ABCC4: variants seen among roughly 807,000 people sequenced by gnomAD.
ABCC4 encodes ATP-binding cassette sub-family C member 4.
A neutral mutation model predicts 168.5 loss-of-function variants in ABCC4; 102 were observed. That is an observed-to-expected ratio of 0.61 (90% CI 0.52 to 0.71). ABCC4 has a LOEUF of 0.71. ABCC4 is among the 30% of genes least tolerant of loss of function. The pLI, the probability that ABCC4 is intolerant of heterozygous loss-of-function variation, is 0.00. For missense variants in ABCC4, 1,402 were observed against 1,605.8 expected, an observed-to-expected ratio of 0.87 and a Z score of 2.17; for synonymous variants, 617 against 590.7, an observed-to-expected ratio of 1.04 and a Z score of -0.65.
chr13:95,045,131 G>T (rs375426347), intron 27 of ABCC4, among the ~76,000 whole-genome samples: 1 of 152,140 alleles, frequency 6.6e-6, no homozygotes, highest in African/African-American at 2.4e-5. Flanking sequence ...TTCCAGGTAG[G>T]GAAGGAAGTT....
intron 1 of ABCC4, among the ~76,000 whole-genome samples, chr13:95,268,516 T>C (rs995729162): frequency 1.6e-5 from 2 of 125,676 alleles, no homozygotes; most frequent in Non-Finnish European, 3.2e-5. Context: ...ATCTGTCTCC[T>C]GCTCGTCCCT....
At chr13:95,300,316 C>T (rs1460765508) in intron 1 of ABCC4, among the ~76,000 whole-genome samples, 1 of 152,052 alleles carries the variant, frequency 6.6e-6, no homozygotes, top group Non-Finnish European at 1.5e-5. Flanking sequence ...TGAAGGTTAG[C>T]GATTCCAGGG....
chr13:95,152,136 T>C (rs1180376397), intron 19 of ABCC4, among the ~76,000 whole-genome samples: 4 of 152,206 alleles, frequency 2.6e-5, no homozygotes, highest in Non-Finnish European at 4.4e-5. Context: ...TCTAGTTCCA[T>C]GAATCACAGC....
At chr13:95,267,979 T>C (rs2040729566) in intron 1 of ABCC4, among the ~76,000 whole-genome samples, 1 of 152,124 alleles carries the variant, frequency 6.6e-6, no homozygotes, top group Non-Finnish European at 1.5e-5. Context: ...CTGGATGAGA[T>C]TTCCTGGCTG....
intron 19 of ABCC4, among the ~76,000 whole-genome samples, chr13:95,133,183 G>A (rs559782833): frequency 9.4e-5 from 13 of 138,696 alleles, no homozygotes; most frequent in Admixed American, 1.6e-4. Context: ...GCACAGTCTC[G>A]GCTCACTGCA....
intron 3 of ABCC4, among the ~76,000 whole-genome samples, chr13:95,246,463 G>A (rs780083690): frequency 6.6e-6 from 1 of 152,236 alleles, no homozygotes; most frequent in African/African-American, 2.4e-5. Flanking sequence ...CCCGAGAGGG[G>A]AGAGGTGACA....
At chr13:95,049,488 A>G (rs920948569) in intron 27 of ABCC4, among the ~76,000 whole-genome samples, 3 of 151,856 alleles carry the variant, frequency 2.0e-5, no homozygotes, top group African/African-American at 7.3e-5. Flanking sequence ...AAAAATACAA[A>G]AAGAGTAGCC....
At chr13:95,052,446 T>C (rs959795202) in intron 27 of ABCC4, among the ~76,000 whole-genome samples, 2 of 152,080 alleles carry the variant, frequency 1.3e-5, no homozygotes, top group African/African-American at 4.8e-5. Flanking sequence ...ACCTTAATAG[T>C]CAAAGTCCTT....
At chr13:95,153,471 CAG>C (rs1372071673) in intron 19 of ABCC4, among the ~76,000 whole-genome samples, 5 of 151,792 alleles carry the variant, frequency 3.3e-5, no homozygotes, top group Admixed American at 2.0e-4. Context: ...TCGAGAGAGA[CAG>C]AGAGAGAGAG....
intron 19 of ABCC4, among the ~76,000 whole-genome samples, chr13:95,126,610 C>T (rs1027918832): frequency 6.6e-5 from 10 of 150,868 alleles, no homozygotes; most frequent in African/African-American, 9.8e-5. Context: ...CAAATGTGAT[C>T]GTCAGTTCCA....
In ABCC4 at chr13:95,029,172, A is replaced by ATCTATATATATC. The variant is rs778904308; in HGVS notation, c.3870+5432_3870+5433insGATATATATAGA. ...AAACTGCTTTAAAAAAAATACATATATATATATATATATATATATATATAT... is the reference window on the plus strand; with the variant it reads ...AAACTGCTTTAAAAAAAATACATATATCTATATATATCTATATATATATATATATATATATAT... On this transcript the variant is annotated intron_variant, in intron 30 of 30. Coordinates refer to ENST00000645237, the MANE Select transcript of ABCC4 (RefSeq NM_005845.5). 1.5e-3 allele frequency among the ~76,000 whole-genome samples: 90 copies of ATCTATATATATC among 60,736 alleles called. 13 individuals are homozygous for ATCTATATATATC. The highest frequency in any genetic ancestry group is 5.5e-3 in the African/African-American group (81 of 14,774). 39.8% of individuals were successfully genotyped at this position (60,736 alleles called of 152,430 possible). A position where few individuals can be genotyped will look rare whatever the true frequency, so the allele number is the denominator to read the frequency against.
chr13:95,166,043 C>T (rs2037259424), intron 15 of ABCC4, 115 bp downstream of exon 15: 1 of 1,019,688 alleles, frequency 9.8e-7, no homozygotes, highest in African/African-American at 1.6e-5. Flanking sequence ...AGCCCTGAAA[C>T]CACAGAATCC....
chr13:95,197,218 A>T (rs1010854270), intron 8 of ABCC4, among the ~76,000 whole-genome samples: 5 of 152,242 alleles, frequency 3.3e-5, no homozygotes, highest in African/African-American at 1.2e-4. Flanking sequence ...AACAGACTGT[A>T]TGATCGGCTT....
chr13:95,223,582 A>G (rs1356632885), intron 4 of ABCC4, among the ~76,000 whole-genome samples: 2 of 152,102 alleles, frequency 1.3e-5, no homozygotes, highest in African/African-American at 4.8e-5. Context: ...GCTCACTGCA[A>G]CCTCTGCCTC....
intron 19 of ABCC4, among the ~76,000 whole-genome samples, chr13:95,152,637 T>C (rs570914312): frequency 1.3e-5 from 2 of 152,328 alleles, no homozygotes; most frequent in East Asian, 3.9e-4. Flanking sequence ...GTTTTAAACT[T>C]CATGGAAAAC....
chr13:95,272,601 T>C (rs2040872690), intron 1 of ABCC4, among the ~76,000 whole-genome samples: 1 of 152,014 alleles, frequency 6.6e-6, no homozygotes, highest in African/African-American at 2.4e-5. Context: ...GTACTAAACA[T>C]GTGGGGCCGG....
At position 95,161,306 on chromosome 13, in the gene ABCC4, T is replaced by G. The variant is rs201512856; in HGVS notation, c.2338A>C (p.Ile780Leu). The change falls in exon 19 of 31, where the codon ATA becomes CTA. Residue 780 changes from isoleucine (I) to leucine (L), a missense_variant. By Grantham distance (5) the Ile-to-Leu change is conservative. Around this residue, in one of 3 missense-constraint regions of ABCC4, gnomAD observed 1,007 missense variants for 1,127.3 expected, o/e 0.89. Transcript: ENST00000645237. ...TAGAATACCAATAGAGATCTTGCTA[T>G]GCCAAAAAGAACGGTAGCTACAGTT... The part of the protein sequence containing the change: ...GLTVATVLFG[I>L]ARSLLVFYVL... 89 of 1,595,858 alleles carry G rather than the reference T, an allele frequency of 5.6e-5. 1 individual carries two copies. Among genetic ancestry groups the G allele is most frequent in the Non-Finnish European group, 1.7e-6 (2 of 1,174,834 alleles).
intron 27 of ABCC4, among the ~76,000 whole-genome samples, chr13:95,052,521 AAT>A (rs2032886260): frequency 6.6e-6 from 1 of 152,194 alleles, no homozygotes; most frequent in Non-Finnish European, 1.5e-5. Flanking sequence ...ATAATAGAAA[AAT>A]CCTCTAGAAA....
At chr13:95,293,656 G>A (rs10467346) in intron 1 of ABCC4, among the ~76,000 whole-genome samples, 2 of 151,854 alleles carry the variant, frequency 1.3e-5, no homozygotes, top group South Asian at 2.1e-4. Context: ...TAGTAGAGAC[G>A]GGGTTTCATT....
Sources: allele counts gnomAD v4.1 joint callset (sites outside exome capture counted in the v4.1 genomes callset), GRCh38; gene constraint gnomAD v4.1.1; regional missense constraint gnomAD v4.1.1; transcripts MANE v1.5; gene names NCBI Gene and HGNC (gene_info 2026-07-23, HGNC 2026-07-21).